The following AGMO variants were observed in gnomAD, a reference collection of about 807,000 sequenced individuals.
AGMO encodes the protein glyceryl-ether monooxygenase.
Under a neutral mutation model 60.2 loss-of-function variants are expected in AGMO, and 75 were observed. The observed-to-expected ratio is 1.25, with a 90% CI of 1.03 to 1.51. The LOEUF is 1.51. AGMO is among the 40% of genes most tolerant of loss of function. AGMO has a pLI of 0.00. For missense variants in AGMO, 763 were observed against 525.5 expected, an observed-to-expected ratio of 1.45 and a Z score of -4.42; for synonymous variants, 261 against 177.1, an observed-to-expected ratio of 1.47 and a Z score of -3.76.
chr7:15,193,003 C>G, the AGMO span, among the ~76,000 whole-genome samples: 1 of 152,176 alleles, frequency 6.6e-6, no homozygotes, highest in Non-Finnish European at 1.5e-5. Flanking sequence ...TCACTTCTAT[C>G]TTTAATAGCA....
At chr7:15,435,441 A>C (rs546547195) in intron 3 of AGMO, among the ~76,000 whole-genome samples, 10 of 152,136 alleles carry the variant, frequency 6.6e-5, no homozygotes, top group Non-Finnish European at 1.3e-4. Flanking sequence ...ATGCAGTGGT[A>C]TCATGTTGAA....
At chr7:15,558,304 A>G (rs1407534828) in intron 2 of AGMO, among the ~76,000 whole-genome samples, 1 of 152,034 alleles carries the variant, frequency 6.6e-6, no homozygotes, top group Non-Finnish European at 1.5e-5. Context: ...TAACAAATGC[A>G]TTCCAATTCA....
At chr7:15,132,551 A>G in the AGMO span, among the ~76,000 whole-genome samples, 2 of 152,154 alleles carry the variant, frequency 1.3e-5, no homozygotes, top group African/African-American at 2.4e-5. Flanking sequence ...AATAAGGCAT[A>G]AACAAATGAG....
In AGMO at chr7:15,217,365, G is replaced by C. The variant is rs73054565; in HGVS notation, c.1264-16006C>G. Among the ~76,000 whole-genome samples, 121 of 144,902 alleles carry C rather than the reference G, an allele frequency of 8.4e-4. No individual in the cohort carries two copies. The South Asian group carries it at 9.2e-3, about 11-fold the overall frequency. ...ACATACATAATCTCTCTCTCTCTCTGTGTGTGTCTCTCTCTCTCACATGCA... is the reference window on the plus strand; with the variant it reads ...ACATACATAATCTCTCTCTCTCTCTCTGTGTGTCTCTCTCTCTCACATGCA... On this transcript the variant is annotated intron_variant, in intron 12 of 12. Transcript: ENST00000342526.
At chr7:15,227,248 ACATCAAGCAAACTTCAGCCAAT>A (rs1782112402) in intron 12 of AGMO, among the ~76,000 whole-genome samples, 1 of 151,894 alleles carries the variant, frequency 6.6e-6, no homozygotes, top group South Asian at 2.1e-4. Flanking sequence ...TCAGCCAATC[ACATCAAGCAAACTTCAGCCAAT>A]CACATCAAGC....
intron 12 of AGMO, among the ~76,000 whole-genome samples, chr7:15,309,832 T>C (rs150222750): frequency 5.7e-4 from 87 of 152,274 alleles, no homozygotes; most frequent in African/African-American, 2.0e-3. Flanking sequence ...TTAATAAACA[T>C]TGTTCCCCAT....
chr7:15,544,155 G>A (rs933486201), intron 3 of AGMO, among the ~76,000 whole-genome samples: 3 of 151,842 alleles, frequency 2.0e-5, no homozygotes, highest in African/African-American at 7.3e-5. Flanking sequence ...TCACTCATAT[G>A]TGGGAGCTAA....
At chr7:15,275,404 A>T (rs1210344620) in intron 12 of AGMO, among the ~76,000 whole-genome samples, 1 of 152,154 alleles carries the variant, frequency 6.6e-6, no homozygotes, top group African/African-American at 2.4e-5. Flanking sequence ...ATAAAAAGAC[A>T]TTTGATATAA....
chr7:15,518,597 A>C (rs1432852832), intron 3 of AGMO, among the ~76,000 whole-genome samples: 2 of 152,160 alleles, frequency 1.3e-5, no homozygotes, highest in African/African-American at 4.8e-5. Flanking sequence ...GTTAGAAGGA[A>C]AACTAACAAA....
rs923199742 is a variant in AGMO, at chr7:15,312,262, T to TC, written c.1263+53251dup. Among the ~76,000 whole-genome samples the TC allele has an allele frequency of 6.2e-4, 95 of 152,138 alleles. 1 individual carries two copies. The highest frequency in any genetic ancestry group is 2.2e-3 in the African/African-American group (92 of 41,516). On this transcript the variant is annotated intron_variant, in intron 12 of 12. Transcript: ENST00000342526. ...GATATAAAAATACAATTTAATAGCT[T>TC]CAAGAAGCCAGATGAATTCCAAGCA...
chr7:15,342,182 A>T (rs1227431923), intron 12 of AGMO, among the ~76,000 whole-genome samples: 1 of 148,516 alleles, frequency 6.7e-6, no homozygotes, highest in African/African-American at 2.5e-5. Context: ...TAAAAAAAAA[A>T]AAAAAAAAAA....
intron 12 of AGMO, among the ~76,000 whole-genome samples, chr7:15,312,870 TGTTGCCCAG>T (rs1336466730): frequency 6.6e-6 from 1 of 152,098 alleles, no homozygotes; most frequent in Non-Finnish European, 1.5e-5. Context: ...GGTTTTGCCA[TGTTGCCCAG>T]GATGGTCTCA....
Position 15,241,912 on chromosome 7 carries a change from C to T in AGMO, c.1264-40553G>A, listed in dbSNP as rs547771151. Among the ~76,000 whole-genome samples, 12 of 152,188 alleles carry T rather than the reference C, an allele frequency of 7.9e-5. No homozygotes were observed. The South Asian group carries it at 1.7e-3, about 21-fold the overall frequency. On this transcript the variant is annotated intron_variant, in intron 12 of 12. Transcript: ENST00000342526. Reference sequence around the variant, plus strand: ...GGAAGAATTCAGTTCCTTGAGGTTACGACTGAGTTTCCTGTTGCTGGCTGT... The same window carrying T: ...GGAAGAATTCAGTTCCTTGAGGTTATGACTGAGTTTCCTGTTGCTGGCTGT...
intron 12 of AGMO, among the ~76,000 whole-genome samples, chr7:15,352,711 G>T (rs1221308679): frequency 1.3e-5 from 2 of 151,744 alleles, no homozygotes; most frequent in African/African-American, 4.8e-5. Flanking sequence ...TGGAAACCAC[G>T]TTGACGGTCT....
intron 12 of AGMO, among the ~76,000 whole-genome samples, chr7:15,322,661 AAT>A (rs367959088): frequency 1.6e-5 from 1 of 63,982 alleles, no homozygotes; most frequent in African/African-American, 6.9e-5. Flanking sequence ...TATATATATA[AAT>A]ATATATAAAT....
At chr7:15,182,916 G>A in the AGMO span, among the ~76,000 whole-genome samples, 1 of 152,062 alleles carries the variant, frequency 6.6e-6, no homozygotes, top group Non-Finnish European at 1.5e-5. Flanking sequence ...CCATACAGGA[G>A]GAAGAGAGAG....
chr7:15,334,311 GT>G (rs5882496), intron 12 of AGMO, among the ~76,000 whole-genome samples: 38,298 of 146,008 alleles, frequency 0.26, 5,558 homozygotes, highest in African/African-American at 0.41. Context: ...ACCTTGGTGA[GT>G]TTTTTTTTTT....
chr7:15,175,485 T>C, the AGMO span, among the ~76,000 whole-genome samples: 1 of 151,928 alleles, frequency 6.6e-6, no homozygotes, highest in South Asian at 2.1e-4. Context: ...ACAATAAACA[T>C]CTGAATGTTT....
the AGMO span, among the ~76,000 whole-genome samples, chr7:15,159,028 T>C: frequency 2.0e-5 from 3 of 152,118 alleles, no homozygotes; most frequent in Admixed American, 6.5e-5. Flanking sequence ...ATATCTCTTA[T>C]ACACATATTA....
Sources: gnomAD v4.1 joint callset for allele counts (sites outside exome capture counted in the v4.1 genomes callset) on GRCh38, gnomAD v4.1.1 for gene constraint, MANE v1.5 for transcripts, NCBI Gene and HGNC (gene_info 2026-07-23, HGNC 2026-07-21) for gene names.